The following PACS2 variants were observed in gnomAD, a reference collection of about 807,000 sequenced individuals.
The protein encoded by PACS2 is phosphofurin acidic cluster sorting protein 2, also known as PACS1-like protein.
Under a neutral mutation model 113.0 loss-of-function variants are expected in PACS2, and 36 were observed. The observed-to-expected ratio is 0.32, with a 90% CI of 0.24 to 0.42. The LOEUF (loss-of-function observed/expected upper bound fraction) is 0.42, where lower values mean the gene tolerates loss of function less well. Among genes scored for constraint, PACS2 ranks in the 10% least tolerant of loss-of-function variants. The pLI is 1.00. For synonymous variants in PACS2, 589 were observed against 536.1 expected (o/e 1.10, Z -1.36); for missense variants, 1,015 against 1,239.5 (o/e 0.82, Z 2.72).
chr14:105,378,389 G>A (rs1018444590), intron 9 of PACS2, among the ~76,000 whole-genome samples: 8 of 152,184 alleles, frequency 5.3e-5, no homozygotes, highest in East Asian at 3.8e-4. Flanking sequence ...GCTAAGTCCC[G>A]TCTGTTTTTT....
chr14:105,327,744 G>T (rs1378038974), intron 1 of PACS2, among the ~76,000 whole-genome samples: 1 of 152,212 alleles, frequency 6.6e-6, no homozygotes, highest in African/African-American at 2.4e-5. Flanking sequence ...TTGCGACTGT[G>T]GCTCGAGCGG....
rs587675341 is a variant in PACS2 at position 105,315,746 on chromosome 14, C to T, written c.119+709C>T. On this transcript the variant is annotated intron_variant, in intron 1 of 24. Transcript: ENST00000447393. This position sits in a 1 kb window ranked among gnomAD's most constrained non-coding sequence, Gnocchi z 4.4. The stretch of plus-strand genomic sequence containing the variant: ...CCAGCCTTCCTTGGACTTGCAGCTT[C>T]CCTGAGTCTCCTGCTCAGTTTGAAA... 2.1e-3 allele frequency among the ~76,000 whole-genome samples: 317 copies of T among 152,354 alleles called. 2 individuals carry two copies. The highest frequency in any genetic ancestry group is 6.9e-3 in the African/African-American group (288 of 41,590).
chr14:105,321,313 T>C (rs1168726974), intron 1 of PACS2, among the ~76,000 whole-genome samples: 1 of 149,488 alleles, frequency 6.7e-6, no homozygotes, highest in Non-Finnish European at 1.5e-5. Context: ...AATCTTATAA[T>C]CTGAGAATAG....
At position 105,377,000 on chromosome 14, in the gene PACS2, A is replaced by G; in HGVS notation, c.959+75A>G. 2 of 1,448,980 alleles carry G rather than the reference A, an allele frequency of 1.4e-6. No homozygotes were observed. Among genetic ancestry groups the G allele is most frequent in the Admixed American group, 4.2e-5 (2 of 47,148 alleles). The allele number at this position is 1,448,980 out of a possible 1,614,324, so 89.8% of individuals were successfully genotyped here. On this transcript the variant is annotated intron_variant, in intron 9 of 24. Transcript: ENST00000447393. This position sits in a 1 kb window ranked among gnomAD's most constrained non-coding sequence, Gnocchi z 4.7. ...GGCCACTCTGCGACCACTCTGGCAG[A>G]CCCATGTCCAGCCCTGGAGACGGGG...
At chr14:105,353,261 C>T (rs1175549003) in intron 3 of PACS2, among the ~76,000 whole-genome samples, 2 of 129,614 alleles carry the variant, frequency 1.5e-5, no homozygotes, top group African/African-American at 3.1e-5. Context: ...GCACCCCCAT[C>T]GCTGTCCCCT....
intron 2 of PACS2, 113 bp from the exon 3 acceptor site, chr14:105,352,265 G>C: frequency 1.4e-6 from 1 of 723,624 alleles, no homozygotes; most frequent in Non-Finnish European, 2.5e-6. Context: ...ACCACCCCCA[G>C]ACTGCAGGGC....
chr14:105,383,210 G>T (rs782407931), intron 15 of PACS2, 149 bp from the exon 16 acceptor site: 9 of 886,856 alleles, frequency 1.0e-5, no homozygotes, highest in Middle Eastern at 5.3e-4. Context: ...GGGCATGTGG[G>T]GGTCCTGGGC....
intron 1 of PACS2, among the ~76,000 whole-genome samples, chr14:105,345,323 C>T (rs587673661): frequency 4.1e-5 from 6 of 145,402 alleles, no homozygotes; most frequent in South Asian, 4.4e-4. Flanking sequence ...AGGACAATAG[C>T]GTGAACCCAG....
rs1168060074 is a variant in PACS2, at chr14:105,340,818, G to C, written c.120-7675G>C. ...TGTCCTGGCTTGGCTTCTGCCCCTG[G>C]GTCCGTGGTGGCTGCCTGGGACCTG... On this transcript the variant is annotated intron_variant, in intron 1 of 24. Coordinates refer to ENST00000447393, the MANE Select transcript of PACS2 (RefSeq NM_001100913.3). The surrounding 1 kb of genome is among the most constrained non-coding windows in gnomAD (Gnocchi z 4.2). 6.6e-6 allele frequency among the ~76,000 whole-genome samples: 1 copy of C among 152,244 alleles called. No individual in the cohort carries two copies. The highest frequency in any genetic ancestry group is 2.4e-5 in the African/African-American group (1 of 41,460).
At chr14:105,335,117 C>T (rs993153648) in intron 1 of PACS2, among the ~76,000 whole-genome samples, 3 of 152,248 alleles carry the variant, frequency 2.0e-5, no homozygotes, top group Admixed American at 6.5e-5. Flanking sequence ...GGACAATGGC[C>T]GGCAGCTCCC....
Position 105,392,745 on chromosome 14 carries a change from T to C in PACS2, c.2382T>C (p.Thr794=). The C allele has an allele frequency of 6.2e-7, 1 of 1,612,624 alleles. No individual in the cohort carries two copies. ...LPVTKNTLKC[T]FRSLQVSRLP... ...TCACCAAAAACACGCTCAAGTGCACTTTCCGGTCCCTCCAGGTCAGCAGGC... is the reference window on the plus strand; with the variant it reads ...TCACCAAAAACACGCTCAAGTGCACCTTCCGGTCCCTCCAGGTCAGCAGGC... Residue 794 remains threonine, a synonymous_variant, in exon 23 of 25, where the codon ACT becomes ACC. Transcript: ENST00000447393.
Position 105,355,452 on chromosome 14 carries a change from G to A in PACS2, c.423+275G>A, listed in dbSNP as rs587738840. Among the ~76,000 whole-genome samples the A allele has an allele frequency of 6.6e-6, 1 of 152,356 alleles. No homozygotes were observed. The highest frequency in any genetic ancestry group is 1.9e-4 in the East Asian group (1 of 5,172). On this transcript the variant is annotated intron_variant, in intron 4 of 24. Transcript: ENST00000447393. This position sits in a 1 kb window ranked among gnomAD's most constrained non-coding sequence, Gnocchi z 4.1. ...TAACGAGCCTGTCCTGCCCTTCAGT[G>A]GAGGCTGGGTTTTGGGTCAGGCTGC...
chr14:105,322,166 G>A (rs587708543), intron 1 of PACS2, among the ~76,000 whole-genome samples: 15 of 152,054 alleles, frequency 9.9e-5, no homozygotes, highest in African/African-American at 1.4e-4. Context: ...TCGAACTCTC[G>A]ACCTCGTGAT....
intron 2 of PACS2, among the ~76,000 whole-genome samples, chr14:105,349,781 C>T (rs1035872681): frequency 2.0e-5 from 3 of 152,280 alleles, no homozygotes; most frequent in South Asian, 4.1e-4. Context: ...TGGGGCCTTG[C>T]CCCAGGAACT....
At chr14:105,321,426 G>A (rs754675528) in intron 1 of PACS2, among the ~76,000 whole-genome samples, 12 of 151,878 alleles carry the variant, frequency 7.9e-5, no homozygotes, top group Non-Finnish European at 1.0e-4. Flanking sequence ...GTAGTGGGAC[G>A]ATCACAGCTC....
intron 12 of PACS2, 32 bp downstream of exon 12, chr14:105,381,131 T>G (rs1595150041): frequency 6.3e-7 from 1 of 1,583,662 alleles, no homozygotes; most frequent in African/African-American, 1.3e-5. Context: ...GGCGGGGCGG[T>G]GATGCACCTG....
rs782701010 is a variant in PACS2, at chr14:105,380,981, C to T, written c.1150C>T (p.Pro384Ser). Reference sequence around the variant, plus strand: ...GGGTGTGCCAGGCCCGAGGGAGCACCCTGGACAGCCTGAGGACAGCCCCGA... The same window carrying T: ...GGGTGTGCCAGGCCCGAGGGAGCACTCTGGACAGCCTGAGGACAGCCCCGA... ...ALGVPGPREH[P>S]GQPEDSPEAE... The change falls in exon 12 of 25, where the codon CCT becomes TCT. Residue 384 changes from proline to serine, a missense_variant. Physicochemically the swap from Pro to Ser is moderately conservative, Grantham distance 74. Transcript: ENST00000447393. 3 of 1,612,278 alleles carry T rather than the reference C, an allele frequency of 1.9e-6. No individual in the cohort carries two copies. The highest frequency in any genetic ancestry group is 2.5e-6 in the Non-Finnish European group (3 of 1,179,612).
intron 13 of PACS2, 96 bp downstream of exon 13, chr14:105,382,154 G>A: frequency 1.5e-6 from 2 of 1,333,978 alleles, no homozygotes; most frequent in South Asian, 2.9e-5. Context: ...AGGGGGCCAA[G>A]GGTGCTGGGC....
At chr14:105,379,235 A>G (rs146968528) in intron 9 of PACS2, among the ~76,000 whole-genome samples, 1 of 151,224 alleles carries the variant, frequency 6.6e-6, no homozygotes, top group East Asian at 2.0e-4. Context: ...GTTTGGAAGG[A>G]CCTGGATGGG....
Sources: gnomAD v4.1 joint callset for allele counts (sites outside exome capture counted in the v4.1 genomes callset) on GRCh38, gnomAD v4.1.1 for gene constraint, Gnocchi (gnomAD v3.1) non-coding constraint, MANE v1.5 for transcripts, NCBI Gene and HGNC (gene_info 2026-07-23, HGNC 2026-07-21) for gene names.